The following SHANK2 variants were observed in gnomAD, a reference collection of about 807,000 sequenced individuals.
SHANK2 encodes the protein SH3 and multiple ankyrin repeat domains 2.
Under a neutral mutation model 133.7 loss-of-function variants are expected in SHANK2, and 43 were observed. That is an observed-to-expected ratio of 0.32 (90% CI 0.25 to 0.41). SHANK2 has a LOEUF of 0.41. Among genes scored for constraint, SHANK2 ranks in the 10% least tolerant of loss-of-function variants. SHANK2 has a pLI of 1.00. For synonymous variants in SHANK2, 1,017 were observed against 952.8 expected (o/e 1.07, Z -1.24); for missense variants, 1,994 against 2,235.8 (o/e 0.89, Z 2.18).
In SHANK2 at chr11:70,887,439, G is replaced by A. The variant is rs188123242; in HGVS notation, c.1174+9062C>T. On this transcript the variant is annotated intron_variant, in intron 11 of 25. Coordinates refer to ENST00000601538, the MANE Select transcript of SHANK2 (RefSeq NM_012309.5). The stretch of plus-strand genomic sequence containing the variant: ...GACAACAGCAACATACATGCTGGCC[G>A]GATTGTGAACAGAACGCTTCGCGGC... Among the ~76,000 whole-genome samples, 285 of 151,640 alleles carry A rather than the reference G, an allele frequency of 1.9e-3. 1 individual carries two copies. The highest frequency in any genetic ancestry group is 3.3e-3 in the Non-Finnish European group (226 of 67,958).
At chr11:70,794,732 T>C (rs1221634110) in intron 14 of SHANK2, among the ~76,000 whole-genome samples, 20 of 151,968 alleles carry the variant, frequency 1.3e-4, no homozygotes, top group Non-Finnish European at 2.6e-4. Flanking sequence ...AATTTTTGTA[T>C]TTTCAGTAGA....
At chr11:70,655,844 C>T (rs1384455032) in intron 17 of SHANK2, among the ~76,000 whole-genome samples, 1 of 152,114 alleles carries the variant, frequency 6.6e-6, no homozygotes, top group Admixed American at 6.5e-5. Flanking sequence ...CATCACCTTG[C>T]CTGCCTGTTG....
intron 9 of SHANK2, among the ~76,000 whole-genome samples, chr11:71,063,374 T>C (rs1433709016): frequency 1.3e-5 from 2 of 152,226 alleles, no homozygotes; most frequent in Non-Finnish European, 2.9e-5. Context: ...CATGGTTCAC[T>C]TGGCTTAATA....
chr11:70,621,520 C>T (rs781790971), intron 17 of SHANK2, among the ~76,000 whole-genome samples: 111 of 152,312 alleles, frequency 7.3e-4, no homozygotes, highest in Non-Finnish European at 1.2e-3. Flanking sequence ...TTGGCGAGGA[C>T]GTGGCCCATG....
intron 11 of SHANK2, among the ~76,000 whole-genome samples, chr11:70,851,401 T>C (rs782567220): frequency 6.6e-6 from 1 of 152,224 alleles, no homozygotes; most frequent in Non-Finnish European, 1.5e-5. Flanking sequence ...GATAAGATCC[T>C]GACCACTGGG....
intron 11 of SHANK2, among the ~76,000 whole-genome samples, chr11:70,870,513 C>T (rs550136606): frequency 1.3e-5 from 2 of 152,188 alleles, no homozygotes; most frequent in Non-Finnish European, 2.9e-5. Flanking sequence ...CCTGTAACCA[C>T]AGCCTGGGTG....
chr11:71,176,779 AG>A (rs1295194316), intron 2 of SHANK2, among the ~76,000 whole-genome samples: 5 of 152,070 alleles, frequency 3.3e-5, no homozygotes, highest in African/African-American at 1.2e-4. Context: ...AAAAAAAAAG[AG>A]GGGGGAACAG....
intron 2 of SHANK2, among the ~76,000 whole-genome samples, chr11:71,212,057 T>C (rs961001783): frequency 6.6e-5 from 10 of 152,206 alleles, no homozygotes; most frequent in African/African-American, 2.4e-4. Flanking sequence ...CCGTGTCGCA[T>C]GAAAAAATTC....
intron 3 of SHANK2, among the ~76,000 whole-genome samples, chr11:71,129,311 G>C (rs1952251526): frequency 6.6e-6 from 1 of 152,180 alleles, no homozygotes; most frequent in African/African-American, 2.4e-5. Flanking sequence ...TCTGGCGAGG[G>C]GAGGCTACGC....
intron 6 of SHANK2, among the ~76,000 whole-genome samples, chr11:71,098,418 G>A (rs547642672): frequency 6.6e-6 from 1 of 152,318 alleles, no homozygotes; most frequent in East Asian, 1.9e-4. Flanking sequence ...GGAAGTGACT[G>A]GTGTCAACAA....
chr11:71,181,798 G>T (rs782315676), intron 2 of SHANK2, among the ~76,000 whole-genome samples: 1 of 152,152 alleles, frequency 6.6e-6, no homozygotes, highest in African/African-American at 2.4e-5. Context: ...CACCTGTGGA[G>T]CAATAAGATG....
At chr11:70,923,096 A>G (rs1297562548) in intron 10 of SHANK2, among the ~76,000 whole-genome samples, 3 of 152,206 alleles carry the variant, frequency 2.0e-5, no homozygotes, top group Non-Finnish European at 2.9e-5. Flanking sequence ...TATGACAGGG[A>G]GTCATTGATG....
chr11:71,092,588 G>C lies in SHANK2; in HGVS notation c.746C>G (p.Thr249Ser). Residue 249 changes from threonine (T) to serine (S), a missense_variant and splice_region_variant, in exon 8 of 26, where the codon ACC becomes AGC. Thr to Ser is a moderately conservative substitution (Grantham distance 58). Around this residue, in one of 5 missense-constraint regions of SHANK2, gnomAD observed 653 missense variants for 563.4 expected, o/e 1.16. Transcript: ENST00000601538. ...TGGGGATGCACCAAGCTCTAAAAGG[G>C]TCTAGGAAAAAAAAATTGAAAGCCG... is the stretch of plus-strand genomic sequence containing the variant. ...ARARNQVALK[T>S]LLELGASPDY... 1 of 1,550,182 alleles carries C rather than the reference G, an allele frequency of 6.5e-7. No individual in the cohort carries two copies. The highest frequency in any genetic ancestry group is 8.7e-7 in the Non-Finnish European group (1 of 1,145,704).
At chr11:70,952,250 G>A (rs563891365) in intron 10 of SHANK2, among the ~76,000 whole-genome samples, 3 of 152,298 alleles carry the variant, frequency 2.0e-5, no homozygotes, top group East Asian at 1.9e-4. Context: ...TCTCCTGGCC[G>A]AGGTCTTGTG....
At chr11:70,525,822 G>T (rs542147245) in intron 17 of SHANK2, among the ~76,000 whole-genome samples, 4 of 151,986 alleles carry the variant, frequency 2.6e-5, no homozygotes, top group South Asian at 4.2e-4. Context: ...TTTTGTGGAG[G>T]TGATGGCGGG....
chr11:70,904,492 C>T (rs973620431), intron 10 of SHANK2, among the ~76,000 whole-genome samples: 18 of 147,546 alleles, frequency 1.2e-4, no homozygotes, highest in African/African-American at 4.5e-4. Context: ...GGGAGGGACC[C>T]GGTGGGAGAT....
At chr11:70,610,607 C>T (rs563765719) in intron 17 of SHANK2, among the ~76,000 whole-genome samples, 10 of 152,324 alleles carry the variant, frequency 6.6e-5, no homozygotes, top group Admixed American at 2.0e-4. Flanking sequence ...TAAAGTAATC[C>T]TCGACTCTCC....
intron 11 of SHANK2, among the ~76,000 whole-genome samples, chr11:70,835,083 C>G: frequency 6.6e-6 from 1 of 152,216 alleles, no homozygotes; most frequent in East Asian, 1.9e-4. Flanking sequence ...AGAAGAATCA[C>G]AGCCTCCAGA....
At chr11:70,712,863 CCAA>C (rs1190097722) in intron 14 of SHANK2, among the ~76,000 whole-genome samples, 1 of 152,244 alleles carries the variant, frequency 6.6e-6, no homozygotes, top group Non-Finnish European at 1.5e-5. Context: ...GAATTCAGCA[CCAA>C]CAAGCACCCG....
Sources: gnomAD v4.1 joint callset for allele counts (sites outside exome capture counted in the v4.1 genomes callset) on GRCh38, gnomAD v4.1.1 for gene constraint, gnomAD v4.1.1 regional missense constraint, MANE v1.5 for transcripts, NCBI Gene and HGNC (gene_info 2026-07-23, HGNC 2026-07-21) for gene names.